CFAP54: variants seen among roughly 807,000 people sequenced by gnomAD.
CFAP54 encodes cilia and flagella associated protein 54, also known as cilia- and flagella-associated protein 54.
In CFAP54, 290 loss-of-function variants were observed where a neutral mutation model predicts 370.4. The ratio of observed to expected loss-of-function variants is 0.78; its 90% CI spans 0.71 to 0.86. The LOEUF (loss-of-function observed/expected upper bound fraction) is 0.86. CFAP54 is among the 40% of genes least tolerant of loss of function. The pLI is 0.00. For synonymous variants in CFAP54, 1,206 were observed against 1,236.5 expected (o/e 0.98, Z 0.52); for missense variants, 3,399 against 3,528.7 (o/e 0.96, Z 0.93).
At chr12:96,679,321 G>A (rs189275871) in intron 39 of CFAP54, among the ~76,000 whole-genome samples, 1 of 151,942 alleles carries the variant, frequency 6.6e-6, no homozygotes, top group African/African-American at 2.4e-5. Context: ...AAAGAAAAAG[G>A]AGGCTTCATG....
chr12:96,622,969 A>G (rs1374673342), intron 27 of CFAP54, among the ~76,000 whole-genome samples: 2 of 152,044 alleles, frequency 1.3e-5, no homozygotes, highest in African/African-American at 4.8e-5. Context: ...TGTGCCATGC[A>G]GTGTCTACTC....
At chr12:96,720,595 A>G in intron 50 of CFAP54, 30 bp downstream of exon 50, 2 of 1,376,430 alleles carry the variant, frequency 1.5e-6, no homozygotes, top group East Asian at 2.9e-5. Context: ...GGGGAGGGAT[A>G]CCTTTGAAGA....
At chr12:96,812,352 C>A (rs1350115725) in intron 64 of CFAP54, among the ~76,000 whole-genome samples, 1 of 152,212 alleles carries the variant, frequency 6.6e-6, no homozygotes, top group Non-Finnish European at 1.5e-5. Flanking sequence ...TCTGCTTCAT[C>A]TAGGTTGTTT....
intron 26 of CFAP54, among the ~76,000 whole-genome samples, chr12:96,614,154 G>T (rs1956391020): frequency 6.6e-6 from 1 of 152,168 alleles, no homozygotes; most frequent in Admixed American, 6.5e-5. Flanking sequence ...ACATCAAAAA[G>T]CTTATCCACC....
At chr12:96,738,281 G>A (rs1214617448) in intron 50 of CFAP54, among the ~76,000 whole-genome samples, 2 of 152,154 alleles carry the variant, frequency 1.3e-5, no homozygotes, top group African/African-American at 2.4e-5. Context: ...GGAGGAGATG[G>A]AAGTGAAGGG....
chr12:96,792,446 T>G lies in CFAP54; in HGVS notation c.8797T>G (p.Phe2933Val). 6.5e-7 allele frequency: 1 copy of G among 1,535,968 alleles called. No individual in the cohort carries two copies. Among genetic ancestry groups the G allele is most frequent in the South Asian group, 1.2e-5 (1 of 84,052 alleles). The change falls in exon 63 of 68, where the codon TTT (phenylalanine) becomes GTT (valine). Residue 2933 changes from phenylalanine to valine, a missense_variant. Phe to Val is a conservative substitution (Grantham distance 50). Transcript: ENST00000524981. ...VTQASNKELCFQWYIPPLDRP... is the reference protein window; with the variant it reads ...VTQASNKELCVQWYIPPLDRP... ...GCAAGCTTCAAACAAAGAACTTTGC[T>G]TTCAATGGTACATTCCTCCCCTGGA...
chr12:96,615,199 A>G (rs1956401881), intron 26 of CFAP54, among the ~76,000 whole-genome samples: 1 of 152,246 alleles, frequency 6.6e-6, no homozygotes, highest in Admixed American at 6.5e-5. Flanking sequence ...GCCCTCAGAA[A>G]TAATACCACA....
intron 48 of CFAP54, among the ~76,000 whole-genome samples, chr12:96,709,943 C>T (rs1004081308): frequency 6.6e-6 from 1 of 152,046 alleles, no homozygotes; most frequent in African/African-American, 2.4e-5. Context: ...GCTTGAACTC[C>T]TGATCTCAAG....
chr12:96,858,352 T>C (rs1959772085), intron 66 of CFAP54, among the ~76,000 whole-genome samples: 1 of 152,252 alleles, frequency 6.6e-6, no homozygotes, highest in Non-Finnish European at 1.5e-5. Flanking sequence ...TGTTTTTCTC[T>C]TGTAAATTTG....
chr12:96,822,116 G>A (rs1454202154), intron 65 of CFAP54, among the ~76,000 whole-genome samples: 1 of 152,010 alleles, frequency 6.6e-6, no homozygotes, highest in East Asian at 1.9e-4. Context: ...AATCACTGTT[G>A]GCTTGAAAAC....
chr12:96,534,790 CAGTA>C (rs1592837104), intron 11 of CFAP54, among the ~76,000 whole-genome samples: 1 of 152,102 alleles, frequency 6.6e-6, no homozygotes, highest in South Asian at 2.1e-4. Flanking sequence ...TTATCAGTTG[CAGTA>C]AGTAATTTGT....
Position 96,765,128 on chromosome 12 carries a change from A to G in CFAP54, c.8191A>G (p.Arg2731Gly), listed in dbSNP as rs144645255. 116 of 1,530,866 alleles carry G rather than the reference A, an allele frequency of 7.6e-5. No individual in the cohort carries two copies. The highest frequency in any genetic ancestry group is 1.0e-4 in the Non-Finnish European group (112 of 1,123,724). 94.8% of individuals were successfully genotyped at this position (1,530,866 alleles called of 1,614,324 possible). A position where few individuals can be genotyped will look rare whatever the true frequency, so the allele number is the denominator to read the frequency against. ...INLLIGKKNT[R>G]MHKVNQVALP... ...CTTACTTATTGGAAAGAAGAATACT[A>G]GAATGCATAAAGTTAACCAAGTGGC... Residue 2731 changes from arginine to glycine, a missense_variant, in exon 60 of 68, where the codon AGA becomes GGA. Arg to Gly is a moderately radical substitution (Grantham distance 125). Coordinates refer to ENST00000524981, the MANE Select transcript of CFAP54 (RefSeq NM_001306084.2).
chr12:96,674,624 G>C (rs977296454), intron 39 of CFAP54, among the ~76,000 whole-genome samples: 9 of 152,094 alleles, frequency 5.9e-5, no homozygotes, highest in Non-Finnish European at 1.2e-4. Flanking sequence ...GAAAAAGAAA[G>C]TGAAATATAG....
intron 60 of CFAP54, among the ~76,000 whole-genome samples, chr12:96,777,739 A>G (rs1224518395): frequency 6.6e-6 from 1 of 152,246 alleles, no homozygotes; most frequent in East Asian, 1.9e-4. Flanking sequence ...AAGCACTGCT[A>G]GGATGGTTTG....
intron 36 of CFAP54, among the ~76,000 whole-genome samples, chr12:96,653,831 A>T (rs1027278587): frequency 5.2e-4 from 29 of 55,528 alleles, no homozygotes; most frequent in African/African-American, 1.7e-3. Flanking sequence ...TTGATCTTCT[A>T]AATTAAAAAT....
intron 63 of CFAP54, among the ~76,000 whole-genome samples, chr12:96,810,041 C>T (rs11108703): frequency 0.34 from 52,306 of 151,858 alleles, 9,305 homozygotes; most frequent in South Asian, 0.54. Flanking sequence ...GAAGTTCAGC[C>T]GGGAGAGAGG....
chr12:96,682,606 G>T (rs1184817887), intron 40 of CFAP54, among the ~76,000 whole-genome samples: 1 of 151,988 alleles, frequency 6.6e-6, no homozygotes, highest in Non-Finnish European at 1.5e-5. Flanking sequence ...GAACTCTTGG[G>T]CTCAAGCTAT....
chr12:96,706,380 C>G (rs1957547680), intron 47 of CFAP54, among the ~76,000 whole-genome samples: 1 of 151,908 alleles, frequency 6.6e-6, no homozygotes. Context: ...AGACCTGAAA[C>G]AGCTAAAGGT....
chr12:96,520,314 C>T (rs144079201), intron 6 of CFAP54, among the ~76,000 whole-genome samples: 181 of 152,262 alleles, frequency 1.2e-3, no homozygotes, highest in African/African-American at 3.9e-3. Context: ...GAGGCTAAGG[C>T]TGGTGGATCA....
Sources: gnomAD v4.1 joint callset for allele counts (sites outside exome capture counted in the v4.1 genomes callset) on GRCh38, gnomAD v4.1.1 for gene constraint, MANE v1.5 for transcripts, NCBI Gene and HGNC (gene_info 2026-07-23, HGNC 2026-07-21) for gene names.